Variants in CREB5 observed in about 807,000 individuals in gnomAD.
CREB5 encodes the protein cAMP responsive element binding protein 5.
A neutral mutation model predicts 57.1 loss-of-function variants in CREB5; 19 were observed. That is an observed-to-expected ratio of 0.33 (90% CI 0.23 to 0.49). CREB5 has a LOEUF of 0.49. Among genes scored for constraint, CREB5 ranks in the 20% least tolerant of loss-of-function variants. The pLI, the probability that CREB5 is intolerant of heterozygous loss-of-function variation, is 0.99. For synonymous variants in CREB5, 238 were observed against 238.3 expected, an observed-to-expected ratio of 1.00 and a Z score of 0.01; for missense variants, 579 against 671.6, an observed-to-expected ratio of 0.86 and a Z score of 1.52.
chr7:28,428,175 G>C (rs1268536499), intron 1 of CREB5, among the ~76,000 whole-genome samples: 1 of 152,208 alleles, frequency 6.6e-6, no homozygotes, highest in Non-Finnish European at 1.5e-5. Flanking sequence ...GGGCCCTGCT[G>C]TTTTGGATGG....
chr7:28,601,187 G>C (rs1184790053), intron 5 of CREB5, among the ~76,000 whole-genome samples: 3 of 151,750 alleles, frequency 2.0e-5, no homozygotes, highest in East Asian at 1.9e-4. Flanking sequence ...TTTTGGAAAG[G>C]GGGGCTCCAC....
At chr7:28,573,310 A>G (rs1404485534) in intron 5 of CREB5, among the ~76,000 whole-genome samples, 1 of 152,150 alleles carries the variant, frequency 6.6e-6, no homozygotes, top group South Asian at 2.1e-4. Flanking sequence ...TATTGTAGTA[A>G]TATTCTGATT....
intron 4 of CREB5, among the ~76,000 whole-genome samples, chr7:28,553,715 A>C (rs544060835): frequency 6.6e-6 from 1 of 152,332 alleles, no homozygotes; most frequent in South Asian, 2.1e-4. Flanking sequence ...GTCAGAATGA[A>C]AGTGATTCTT....
At chr7:28,414,315 G>A (rs1176467121) in intron 1 of CREB5, among the ~76,000 whole-genome samples, 1 of 150,002 alleles carries the variant, frequency 6.7e-6, no homozygotes, top group African/African-American at 2.4e-5. Context: ...CAGCTTTCTT[G>A]GATGAAGATG....
intron 4 of CREB5, among the ~76,000 whole-genome samples, chr7:28,569,716 T>A (rs1795623370): frequency 6.6e-6 from 1 of 152,208 alleles, no homozygotes. Flanking sequence ...TGTTCTGTGT[T>A]TCCATTACTC....
intron 1 of CREB5, among the ~76,000 whole-genome samples, chr7:28,325,372 G>A (rs761219240): frequency 2.0e-5 from 3 of 151,710 alleles, no homozygotes; most frequent in Non-Finnish European, 2.9e-5. Context: ...GGAGAATGGC[G>A]TGAACCCGGG....
At chr7:28,360,865 T>C (rs1786461371) in intron 1 of CREB5, among the ~76,000 whole-genome samples, 1 of 152,058 alleles carries the variant, frequency 6.6e-6, no homozygotes. Context: ...ATGGGAAAAA[T>C]AGTTTTTGTC....
chr7:28,658,609 A>G (rs1254571736), intron 5 of CREB5, among the ~76,000 whole-genome samples: 2 of 152,178 alleles, frequency 1.3e-5, no homozygotes, highest in Non-Finnish European at 2.9e-5. Flanking sequence ...GAGAGACACC[A>G]TCAAATAGAC....
intron 5 of CREB5, among the ~76,000 whole-genome samples, chr7:28,587,990 C>T (rs1330850426): frequency 6.6e-6 from 1 of 152,168 alleles, no homozygotes; most frequent in Non-Finnish European, 1.5e-5. Context: ...GGGAGCTCTT[C>T]ACTGCAGATC....
Position 28,733,652 on chromosome 7 carries a change from G to T in CREB5, c.702+9320G>T, listed in dbSNP as rs1397562771. Among the ~76,000 whole-genome samples the T allele has an allele frequency of 2.6e-5, 4 of 152,102 alleles. No homozygotes were observed. In the East Asian group the frequency reaches 7.7e-4, roughly 29 times the overall value. On this transcript the variant is annotated intron_variant, in intron 7 of 10. Transcript: ENST00000357727. ...TTGCACTGTTTGTCTCTTCCTCATG[G>T]AGCTTTACTGTGTTGTCATTGTCCA... is the stretch of plus-strand genomic sequence containing the variant.
intron 5 of CREB5, among the ~76,000 whole-genome samples, chr7:28,699,609 C>T (rs973803864): frequency 5.3e-5 from 8 of 152,202 alleles, no homozygotes; most frequent in African/African-American, 1.9e-4. Flanking sequence ...CTCCCACCAA[C>T]TTATGCTTAT....
chr7:28,497,774 A>AT (rs918168000), intron 3 of CREB5, among the ~76,000 whole-genome samples: 3 of 151,862 alleles, frequency 2.0e-5, no homozygotes, highest in Admixed American at 6.6e-5. Flanking sequence ...TTATTTTTTA[A>AT]TTTTTTCTCC....
chr7:28,356,415 C>T (rs1465505972), intron 1 of CREB5, among the ~76,000 whole-genome samples: 1 of 152,156 alleles, frequency 6.6e-6, no homozygotes, highest in Non-Finnish European at 1.5e-5. Context: ...TTTACAACGT[C>T]GTTTTAGGCA....
chr7:28,489,641 T>G (rs556396527), intron 2 of CREB5, among the ~76,000 whole-genome samples: 1 of 152,094 alleles, frequency 6.6e-6, no homozygotes, highest in Admixed American at 6.5e-5. Flanking sequence ...TTATGGAGGA[T>G]TCTGGGAGCC....
At chr7:28,573,887 C>T (rs78619463) in intron 5 of CREB5, among the ~76,000 whole-genome samples, 5,480 of 152,288 alleles carry the variant, frequency 0.036, 186 homozygotes, top group East Asian at 0.17. Context: ...ACAAACAACA[C>T]GTGCAACTTC....
chr7:28,584,618 A>G (rs1295647625), intron 5 of CREB5, among the ~76,000 whole-genome samples: 1 of 152,114 alleles, frequency 6.6e-6, no homozygotes, highest in East Asian at 1.9e-4. Flanking sequence ...TGCTGCTGAC[A>G]CCTTGATTTC....
chr7:28,786,275 C>A (rs900274764), intron 7 of CREB5, among the ~76,000 whole-genome samples: 12 of 152,268 alleles, frequency 7.9e-5, no homozygotes, highest in East Asian at 1.9e-4. Context: ...GAGATGGAGT[C>A]TCGCTCTGTT....
chr7:28,432,995 A>G (rs1263943727), intron 1 of CREB5, among the ~76,000 whole-genome samples: 1 of 152,062 alleles, frequency 6.6e-6, no homozygotes. Context: ...CAAGGTCATG[A>G]TTTATTTTTT....
chr7:28,389,404 G>A (rs958503301), intron 1 of CREB5, among the ~76,000 whole-genome samples: 26 of 152,056 alleles, frequency 1.7e-4, no homozygotes, highest in African/African-American at 4.8e-4. Context: ...ACACACACAC[G>A]CACACTAATC....
Sources: allele counts gnomAD v4.1 joint callset (sites outside exome capture counted in the v4.1 genomes callset), GRCh38; gene constraint gnomAD v4.1.1; transcripts MANE v1.5; gene names NCBI Gene and HGNC (gene_info 2026-07-23, HGNC 2026-07-21).